SRPK2: variants seen among roughly 807,000 people sequenced by gnomAD.
SRPK2 encodes the protein SRSF protein kinase 2.
Under a neutral mutation model 90.8 loss-of-function variants are expected in SRPK2, and 21 were observed. That is an observed-to-expected ratio of 0.23 (90% CI 0.16 to 0.33). The LOEUF (loss-of-function observed/expected upper bound fraction) is 0.33. Ranked by LOEUF, SRPK2 falls within the 10% of genes least tolerant of loss-of-function variation. The pLI, the probability that SRPK2 is intolerant of heterozygous loss-of-function variation, is 1.00. For synonymous variants in SRPK2, 288 were observed against 311.1 expected, an observed-to-expected ratio of 0.93 and a Z score of 0.78; for missense variants, 620 against 869.0, an observed-to-expected ratio of 0.71 and a Z score of 3.60.
At chr7:105,190,700 T>C (rs986212901) in intron 3 of SRPK2, among the ~76,000 whole-genome samples, 1 of 152,204 alleles carries the variant, frequency 6.6e-6, no homozygotes, top group African/African-American at 2.4e-5. Context: ...CCCAGATCTC[T>C]ATGCCCTTGG....
At chr7:105,129,585 G>A (rs1562961267) in intron 13 of SRPK2, among the ~76,000 whole-genome samples, 1 of 152,078 alleles carries the variant, frequency 6.6e-6, no homozygotes, top group Non-Finnish European at 1.5e-5. Context: ...ATGTTGGCCA[G>A]GCTGGTCTCA....
At chr7:105,173,486 A>G (rs1791417649) in intron 3 of SRPK2, among the ~76,000 whole-genome samples, 1 of 152,174 alleles carries the variant, frequency 6.6e-6, no homozygotes, top group Non-Finnish European at 1.5e-5. Flanking sequence ...CCATGCTGCC[A>G]GAAGAGTGGT....
At chr7:105,192,349 T>C (rs375370220) in intron 3 of SRPK2, among the ~76,000 whole-genome samples, 2 of 152,166 alleles carry the variant, frequency 1.3e-5, no homozygotes, top group Non-Finnish European at 2.9e-5. Context: ...ATTAGAATAA[T>C]AGAGTCTCCA....
chr7:105,273,817 T>C (rs774821831), intron 2 of SRPK2, among the ~76,000 whole-genome samples: 5 of 152,342 alleles, frequency 3.3e-5, no homozygotes, highest in Middle Eastern at 3.4e-3. Context: ...GACACCTTCA[T>C]AGTCTTCTCA....
At chr7:105,273,093 T>A (rs1806038994) in intron 2 of SRPK2, among the ~76,000 whole-genome samples, 1 of 151,752 alleles carries the variant, frequency 6.6e-6, no homozygotes, top group Non-Finnish European at 1.5e-5. Context: ...CAGGCGCCTG[T>A]AGTCCCAGCT....
chr7:105,389,180 C>T (rs1162133651), upstream of SRPK2: 3 of 1,072,722 alleles, frequency 2.8e-6, no homozygotes. Flanking sequence ...CCAGGCCGCC[C>T]GCCTCTCCCG....
At chr7:105,203,321 C>CT (rs1795793665) in intron 3 of SRPK2, among the ~76,000 whole-genome samples, 2 of 152,168 alleles carry the variant, frequency 1.3e-5, no homozygotes, top group South Asian at 2.1e-4. Flanking sequence ...ATTATGTCCT[C>CT]TAACTGTCCT....
intron 2 of SRPK2, among the ~76,000 whole-genome samples, chr7:105,334,469 C>T (rs1435999749): frequency 1.3e-5 from 2 of 152,160 alleles, no homozygotes; most frequent in Non-Finnish European, 2.9e-5. Context: ...GATCCACCCG[C>T]CTTAGTCTCC....
intron 11 of SRPK2, 94 bp from the exon 12 acceptor site, chr7:105,133,198 A>G: frequency 8.8e-7 from 1 of 1,137,090 alleles, no homozygotes; most frequent in East Asian, 2.4e-5. Flanking sequence ...CCTTTCCTCA[A>G]GAGTAGTGGA....
At chr7:105,237,881 G>A (rs576776591) in intron 2 of SRPK2, among the ~76,000 whole-genome samples, 2 of 152,030 alleles carry the variant, frequency 1.3e-5, no homozygotes, top group African/African-American at 4.8e-5. Flanking sequence ...CTGATTTAGG[G>A]GAAAACATTT....
At chr7:105,378,326 C>G (rs966098253) in intron 2 of SRPK2, among the ~76,000 whole-genome samples, 1 of 151,804 alleles carries the variant, frequency 6.6e-6, no homozygotes. Context: ...TACATACATC[C>G]GAAAAAGAAG....
chr7:105,392,753 C>T (rs1328715872), upstream of SRPK2, among the ~76,000 whole-genome samples: 1 of 151,956 alleles, frequency 6.6e-6, no homozygotes, highest in Non-Finnish European at 1.5e-5. Context: ...CTGCCTCTGC[C>T]TCCCTAAGTG....
chr7:105,197,998 C>T (rs566382765), intron 3 of SRPK2, among the ~76,000 whole-genome samples: 5 of 152,098 alleles, frequency 3.3e-5, no homozygotes, highest in Non-Finnish European at 7.4e-5. Flanking sequence ...AGGTATACAC[C>T]GAGGGTTCTG....
chr7:105,232,074 G>A (rs894442490), intron 2 of SRPK2, among the ~76,000 whole-genome samples: 4 of 152,124 alleles, frequency 2.6e-5, no homozygotes, highest in Admixed American at 6.5e-5. Flanking sequence ...GACTGGTCTC[G>A]AACTCCTGGG....
rs10226838 is a variant in SRPK2, at chr7:105,172,026, T to G, written c.230-2761A>C. Among the ~76,000 whole-genome samples, 1,043 of 152,258 alleles carry G rather than the reference T, an allele frequency of 6.9e-3. 17 individuals carry two copies. The highest frequency in any genetic ancestry group is 0.024 in the African/African-American group (997 of 41,536). On this transcript the variant is annotated intron_variant, in intron 3 of 15. Coordinates refer to ENST00000393651, the MANE Select transcript of SRPK2 (RefSeq NM_182692.3). ...CTCCTGCCTCAGCCTCCCATGTAGCTGGGATTACAGGCTTGCACCACCACA... is the reference window on the plus strand; with the variant it reads ...CTCCTGCCTCAGCCTCCCATGTAGCGGGGATTACAGGCTTGCACCACCACA...
intron 2 of SRPK2, among the ~76,000 whole-genome samples, chr7:105,277,466 C>G (rs1806675885): frequency 6.6e-6 from 1 of 152,220 alleles, no homozygotes; most frequent in Non-Finnish European, 1.5e-5. Context: ...ATACTGCTAT[C>G]TGAAGCCAAG....
At chr7:105,185,738 G>A (rs1260075047) in intron 3 of SRPK2, among the ~76,000 whole-genome samples, 1 of 152,118 alleles carries the variant, frequency 6.6e-6, no homozygotes, top group Non-Finnish European at 1.5e-5. Context: ...GCCCCACCTA[G>A]TTTTATAATC....
At position 105,388,887 on chromosome 7, in the gene SRPK2, G is replaced by C. The variant is rs1821993227; in HGVS notation, c.-81C>G. On this transcript the variant is annotated 5_prime_UTR_variant, in exon 1 of 16. Coordinates refer to ENST00000393651, the MANE Select transcript of SRPK2 (RefSeq NM_182692.3). ...ACGAGCTGGGCTGCAGCCTCCACTC[G>C]CTCCGCCGGCCGGGAGGAGACGAGA... 2 of 1,242,812 alleles carry C rather than the reference G, an allele frequency of 1.6e-6. No individual in the cohort carries two copies. Among genetic ancestry groups the C allele is most frequent in the Non-Finnish European group, 2.0e-6 (2 of 996,756 alleles). The allele number at this position is 1,242,812 out of a possible 1,614,324, so 77.0% of individuals were successfully genotyped here. A position where few individuals can be genotyped will look rare whatever the true frequency, so the allele number is the denominator to read the frequency against.
intron 3 of SRPK2, among the ~76,000 whole-genome samples, chr7:105,170,370 T>C (rs1219026052): frequency 6.6e-6 from 1 of 151,954 alleles, no homozygotes; most frequent in African/African-American, 2.4e-5. Context: ...TGCCAACTCC[T>C]AACTCCTGCC....
Sources: allele counts gnomAD v4.1 joint callset (sites outside exome capture counted in the v4.1 genomes callset), GRCh38; gene constraint gnomAD v4.1.1; transcripts MANE v1.5; gene names NCBI Gene and HGNC (gene_info 2026-07-23, HGNC 2026-07-21).